SLC16A7: variants seen among roughly 807,000 people sequenced by gnomAD.
The protein encoded by SLC16A7 is solute carrier family 16 member 7, also known as monocarboxylate transporter 2.
A neutral mutation model predicts 34.9 loss-of-function variants in SLC16A7; 33 were observed. The ratio of observed to expected loss-of-function variants is 0.94; its 90% CI spans 0.72 to 1.26. The LOEUF (loss-of-function observed/expected upper bound fraction) is 1.26, where lower values mean the gene tolerates loss of function less well. SLC16A7 is among the 50% of genes most tolerant of loss of function. The pLI, the probability that SLC16A7 is intolerant of heterozygous loss-of-function variation, is 0.00. For synonymous variants in SLC16A7, 201 were observed against 206.6 expected (o/e 0.97, Z 0.23); for missense variants, 573 against 578.1 (o/e 0.99, Z 0.09).
chr12:59,739,165 G>A (rs1156725358), intron 3 of SLC16A7, among the ~76,000 whole-genome samples: 1 of 149,592 alleles, frequency 6.7e-6, no homozygotes, highest in Non-Finnish European at 1.5e-5. Flanking sequence ...TTAGCATTAG[G>A]TATATCTCCT....
chr12:59,625,104 A>C (rs747400423), intron 1 of SLC16A7, among the ~76,000 whole-genome samples: 17 of 151,822 alleles, frequency 1.1e-4, no homozygotes, highest in Admixed American at 2.6e-4. Flanking sequence ...TTTCAATGGA[A>C]GGATTTTTAT....
In SLC16A7 at chr12:59,682,465, A is replaced by G. The variant is rs192032076; in HGVS notation, c.-30-22307A>G. Among the ~76,000 whole-genome samples, 35 of 152,332 alleles carry G rather than the reference A, an allele frequency of 2.3e-4. 1 individual carries two copies. In the East Asian group the frequency reaches 5.6e-3, roughly 24 times the overall value. On this transcript the variant is annotated intron_variant, in intron 2 of 5. Coordinates refer to ENST00000547379, the MANE Select transcript of SLC16A7 (RefSeq NM_001270623.2). ...TATAGTGAATATAAATGATTTATTC[A>G]CTGTTCATGGTCTCAAGATGCTTAT...
chr12:59,702,922 G>T (rs1190013787), intron 2 of SLC16A7, among the ~76,000 whole-genome samples: 1 of 151,682 alleles, frequency 6.6e-6, no homozygotes, highest in Non-Finnish European at 1.5e-5. Context: ...TTTTACTTAG[G>T]TCAGGCTTCT....
At chr12:59,636,173 A>C (rs1350545995) in intron 1 of SLC16A7, among the ~76,000 whole-genome samples, 2 of 152,096 alleles carry the variant, frequency 1.3e-5, no homozygotes, top group Non-Finnish European at 2.9e-5. Context: ...GTTCTAAATT[A>C]ATACCTGTTT....
At chr12:59,733,983 G>C (rs1377279554) in intron 3 of SLC16A7, 2 of 368,820 alleles carry the variant, frequency 5.4e-6, no homozygotes, top group Non-Finnish European at 1.1e-5. Flanking sequence ...AGTGCATGCT[G>C]ATTGGTCTGT....
chr12:59,678,786 T>A (rs1870516526), intron 2 of SLC16A7, among the ~76,000 whole-genome samples: 1 of 152,134 alleles, frequency 6.6e-6, no homozygotes, highest in Non-Finnish European at 1.5e-5. Flanking sequence ...CCCAGGAGTC[T>A]GTCTTCTGAA....
intron 1 of SLC16A7, among the ~76,000 whole-genome samples, chr12:59,636,499 G>A (rs1186838912): frequency 1.3e-5 from 2 of 152,006 alleles, no homozygotes; most frequent in African/African-American, 2.4e-5. Flanking sequence ...AATTCTCACT[G>A]TGTTGCCCAG....
Position 59,627,502 on chromosome 12 carries a change from T to C in SLC16A7, c.-129-27650T>C, listed in dbSNP as rs145899666. 3.4e-3 allele frequency among the ~76,000 whole-genome samples: 506 copies of C among 150,982 alleles called. 4 individuals carry two copies. Among genetic ancestry groups the C allele is most frequent in the Middle Eastern group, 0.017 (5 of 294 alleles). ...GTTATTAATTTTGCTAAAAACAGGC[T>C]TTAGCCTGCTGAGGAAAGATTTTTT... On this transcript the variant is annotated intron_variant, in intron 1 of 5. Coordinates refer to ENST00000547379, the MANE Select transcript of SLC16A7 (RefSeq NM_001270623.2).
chr12:59,676,141 A>G lies in SLC16A7; in HGVS notation c.-31+20891A>G, dbSNP rs147543116. ...CTGAAATGATTAAGTCTCAAAACCT[A>G]AAGTTGACAGCAGAGTCATTGTACA... On this transcript the variant is annotated intron_variant, in intron 2 of 5. Coordinates refer to ENST00000547379, the MANE Select transcript of SLC16A7 (RefSeq NM_001270623.2). Among the ~76,000 whole-genome samples the G allele has an allele frequency of 2.0e-3, 302 of 152,246 alleles. 1 individual carries two copies. Among genetic ancestry groups the G allele is most frequent in the African/African-American group, 6.8e-3 (283 of 41,552 alleles).
intron 1 of SLC16A7, among the ~76,000 whole-genome samples, chr12:59,640,299 CTAA>C (rs1431449978): frequency 2.0e-5 from 3 of 152,050 alleles, no homozygotes; most frequent in Non-Finnish European, 4.4e-5. Context: ...GCAATTTACT[CTAA>C]TGTTTTTAAT....
intron 3 of SLC16A7, chr12:59,720,263 T>C (rs1254951669): frequency 3.8e-6 from 2 of 524,934 alleles, no homozygotes; most frequent in Non-Finnish European, 3.3e-6. Flanking sequence ...TTTTTCTTTT[T>C]TTAAGCACCC....
rs1384427761 is a variant in SLC16A7, at chr12:59,785,374, C to A, written c.*5695C>A. On this transcript the variant is annotated 3_prime_UTR_variant, in exon 6 of 6. Coordinates refer to ENST00000547379, the MANE Select transcript of SLC16A7 (RefSeq NM_001270623.2). ...TTATGTGCAAATCAGGGAAGAATTG[C>A]TGTAGTATTGAGAATGGTCATTTTA... The A allele has an allele frequency of 6.6e-6, 1 of 152,038 alleles. No individual in the cohort carries two copies. The highest frequency in any genetic ancestry group is 1.9e-4 in the East Asian group (1 of 5,176). The allele number at this position is 152,038 out of a possible 1,614,324, so 9.4% of individuals were successfully genotyped here.
At chr12:59,773,165 A>G (rs148046884) in intron 4 of SLC16A7, among the ~76,000 whole-genome samples, 1 of 151,690 alleles carries the variant, frequency 6.6e-6, no homozygotes, top group African/African-American at 2.4e-5. Flanking sequence ...GGGTTCTTCT[A>G]CTTACAAGCT....
chr12:59,686,205 G>T (rs761651614), intron 2 of SLC16A7, among the ~76,000 whole-genome samples: 3 of 136,270 alleles, frequency 2.2e-5, no homozygotes, highest in Non-Finnish European at 3.1e-5. Flanking sequence ...TACTTATTTT[G>T]AATGGCAGTA....
intron 1 of SLC16A7, among the ~76,000 whole-genome samples, chr12:59,644,725 C>T (rs1880834417): frequency 6.6e-6 from 1 of 152,120 alleles, no homozygotes; most frequent in Non-Finnish European, 1.5e-5. Context: ...TTTATTTTCT[C>T]ACCAACAAAT....
intron 1 of SLC16A7, among the ~76,000 whole-genome samples, chr12:59,642,532 G>A (rs1880731630): frequency 6.6e-6 from 1 of 151,982 alleles, no homozygotes; most frequent in Non-Finnish European, 1.5e-5. Flanking sequence ...CTTATAGATG[G>A]TGCACAGTAA....
intron 2 of SLC16A7, among the ~76,000 whole-genome samples, chr12:59,668,665 A>G (rs1869414903): frequency 1.3e-5 from 2 of 152,276 alleles, no homozygotes; most frequent in East Asian, 1.9e-4. Flanking sequence ...TAATGCTGGA[A>G]TGAATTAAGA....
intron 2 of SLC16A7, among the ~76,000 whole-genome samples, chr12:59,655,763 C>T (rs917853987): frequency 1.3e-5 from 2 of 151,904 alleles, no homozygotes; most frequent in African/African-American, 4.8e-5. Context: ...TTTCCACACT[C>T]ATGATTCAAT....
At chr12:59,645,197 C>T (rs980314718) in intron 1 of SLC16A7, among the ~76,000 whole-genome samples, 2 of 152,046 alleles carry the variant, frequency 1.3e-5, no homozygotes, top group African/African-American at 4.8e-5. Context: ...TCTATTCAGG[C>T]TAGAAAGTTA....
Sources: allele counts gnomAD v4.1 joint callset (sites outside exome capture counted in the v4.1 genomes callset), GRCh38; gene constraint gnomAD v4.1.1; transcripts MANE v1.5; gene names NCBI Gene and HGNC (gene_info 2026-07-23, HGNC 2026-07-21).